The following MTA3 variants were observed in gnomAD, a reference collection of about 807,000 sequenced individuals.
MTA3 encodes the protein metastasis associated 1 family member 3.
A neutral mutation model predicts 83.5 loss-of-function variants in MTA3; 34 were observed. The observed-to-expected ratio is 0.41, with a 90% confidence interval of 0.31 to 0.54. The LOEUF is 0.54. Ranked by LOEUF, MTA3 falls within the 20% of genes least tolerant of loss-of-function variation. MTA3 has a pLI of 0.33. For synonymous variants in MTA3, 303 were observed against 252.7 expected (o/e 1.20, Z -1.89); for missense variants, 761 against 726.4 (o/e 1.05, Z -0.55).
At chr2:42,640,578 C>A (rs1331529678) in intron 5 of MTA3, among the ~76,000 whole-genome samples, 3 of 151,946 alleles carry the variant, frequency 2.0e-5, no homozygotes, top group Non-Finnish European at 2.9e-5. Context: ...GTTTTTATTT[C>A]TTGAATAAAT....
At chr2:42,507,257 G>C (rs1458502077) in intron 2 of MTA3, among the ~76,000 whole-genome samples, 1 of 151,978 alleles carries the variant, frequency 6.6e-6, no homozygotes. Flanking sequence ...CTGTGGCCTT[G>C]ACCTCCTAAG....
intron 2 of MTA3, among the ~76,000 whole-genome samples, chr2:42,521,651 C>A (rs1675434310): frequency 6.6e-6 from 1 of 151,886 alleles, no homozygotes; most frequent in Non-Finnish European, 1.5e-5. Context: ...TAGGCAGAGC[C>A]CTTTCCTCTC....
At chr2:42,552,564 A>G (rs79837514) in intron 2 of MTA3, among the ~76,000 whole-genome samples, 2,028 of 151,570 alleles carry the variant, frequency 0.013, 48 homozygotes, top group African/African-American at 0.046. Context: ...TGAGGCTGCA[A>G]TAAACGCCCA....
At chr2:42,604,636 T>G (rs531891841) in intron 3 of MTA3, among the ~76,000 whole-genome samples, 97 of 137,052 alleles carry the variant, frequency 7.1e-4, no homozygotes, top group Non-Finnish European at 1.3e-3. Context: ...CACAGAGGGG[T>G]ATTTGGCAGG....
intron 2 of MTA3, among the ~76,000 whole-genome samples, chr2:42,547,580 C>G (rs1676814018): frequency 1.3e-5 from 2 of 152,254 alleles, no homozygotes; most frequent in Admixed American, 1.3e-4. Context: ...ATCCGCCCGC[C>G]AAGGCCTCTC....
intron 2 of MTA3, among the ~76,000 whole-genome samples, chr2:42,554,361 A>G (rs1224440378): frequency 6.6e-6 from 1 of 152,232 alleles, no homozygotes; most frequent in Non-Finnish European, 1.5e-5. Context: ...ATGGTGCTCG[A>G]TGTAAGAATC....
intron 3 of MTA3, among the ~76,000 whole-genome samples, chr2:42,602,222 C>A (rs1234998965): frequency 6.6e-6 from 1 of 152,212 alleles, no homozygotes; most frequent in Non-Finnish European, 1.5e-5. Flanking sequence ...AGCTGTCCAC[C>A]TGCCTCGGCC....
intron 4 of MTA3, among the ~76,000 whole-genome samples, chr2:42,633,040 G>A (rs759314354): frequency 1.6e-4 from 24 of 151,892 alleles, no homozygotes; most frequent in Non-Finnish European, 1.2e-4. Context: ...TGAGGTGGGC[G>A]GATCATGAGG....
intron 3 of MTA3, among the ~76,000 whole-genome samples, chr2:42,606,350 G>C (rs1683401214): frequency 1.4e-5 from 2 of 146,678 alleles, no homozygotes; most frequent in African/African-American, 5.1e-5. Context: ...AGACGGGGCA[G>C]CTGCCGGGCG....
Position 42,755,336 on chromosome 2 carries a change from T to G in MTA3, c.*1937T>G. Reference sequence around the variant, plus strand: ...GCCCGTGACTCAGCTGCCAGCTTCATTTTCTCTGCCTTTTGGGAGAGGCCC... The same window carrying G: ...GCCCGTGACTCAGCTGCCAGCTTCAGTTTCTCTGCCTTTTGGGAGAGGCCC... On this transcript the variant is annotated 3_prime_UTR_variant, in exon 17 of 17. Transcript: ENST00000405094. 1 of 985,468 alleles carries G rather than the reference T, an allele frequency of 1.0e-6. No homozygotes were observed. The highest frequency in any genetic ancestry group is 4.7e-5 in the South Asian group (1 of 21,284). The allele number at this position is 985,468 out of a possible 1,614,324, so 61.0% of individuals were successfully genotyped here. A position where few individuals can be genotyped will look rare whatever the true frequency, so the allele number is the denominator to read the frequency against.
chr2:42,643,993 A>C, intron 5 of MTA3, 134 bp from the exon 6 acceptor site: 1 of 518,404 alleles, frequency 1.9e-6, no homozygotes, highest in East Asian at 3.2e-5. Context: ...TTAAAGATTT[A>C]TGAGTTTATT....
chr2:42,684,973 T>A (rs1692238194), intron 9 of MTA3, among the ~76,000 whole-genome samples: 1 of 152,234 alleles, frequency 6.6e-6, no homozygotes, highest in South Asian at 2.1e-4. Context: ...GGATTCCTTG[T>A]GCCAAAGTGG....
At chr2:42,555,473 A>AAG (rs1337000759) in intron 2 of MTA3, among the ~76,000 whole-genome samples, 10 of 150,254 alleles carry the variant, frequency 6.7e-5, no homozygotes, top group African/African-American at 2.4e-4. Flanking sequence ...AAAAAAAAAA[A>AAG]AAAAGAGCCG....
At chr2:42,511,544 C>T (rs1481774670) in intron 2 of MTA3, 1 of 152,196 alleles carries the variant, frequency 6.6e-6, no homozygotes, top group Non-Finnish European at 1.5e-5. Context: ...TGGTGACACC[C>T]TGTCTCTACT....
intron 4 of MTA3, among the ~76,000 whole-genome samples, chr2:42,616,775 C>T (rs983279586): frequency 1.3e-5 from 2 of 151,616 alleles, no homozygotes; most frequent in African/African-American, 4.8e-5. Flanking sequence ...GACGGGGTTT[C>T]GTTGTGTTGG....
chr2:42,609,627 CCAAAAAA>C, intron 4 of MTA3, 43 bp downstream of exon 4: 1 of 1,535,768 alleles, frequency 6.5e-7, no homozygotes, highest in Non-Finnish European at 8.8e-7. Context: ...ACTACGGTGA[CCAAAAAA>C]CAAAAGACTT....
At chr2:42,627,595 G>A (rs182150588) in intron 4 of MTA3, among the ~76,000 whole-genome samples, 2 of 151,100 alleles carry the variant, frequency 1.3e-5, no homozygotes, top group East Asian at 2.0e-4. Flanking sequence ...ACGGAGTCTC[G>A]CTCTGTCTCT....
At chr2:42,717,228 C>G (rs1359758828) in intron 14 of MTA3, among the ~76,000 whole-genome samples, 1 of 140,764 alleles carries the variant, frequency 7.1e-6, no homozygotes, top group Non-Finnish European at 1.5e-5. Flanking sequence ...CACATTTTAA[C>G]TCTAGTAGAG....
rs1666255391 is a variant in MTA3, at chr2:42,708,089, G to A, written c.1302+35G>A. The A allele has an allele frequency of 3.2e-6, 5 of 1,569,052 alleles. No homozygotes were observed. The South Asian group carries it at 6.1e-5, about 19-fold the overall frequency. ...TCTTTTTAGTGTTGAAAAATGGCAT[G>A]TTTTTAAATGGGTTGATTATTCCTT... On this transcript the variant is annotated intron_variant, in intron 13 of 16. Transcript: ENST00000405094.
Sources: allele counts gnomAD v4.1 joint callset (sites outside exome capture counted in the v4.1 genomes callset), GRCh38; gene constraint gnomAD v4.1.1; transcripts MANE v1.5; gene names NCBI Gene and HGNC (gene_info 2026-07-23, HGNC 2026-07-21).